The following MYRFL variants were observed in gnomAD, a reference collection of about 807,000 sequenced individuals.
The protein encoded by MYRFL is myelin regulatory factor-like protein.
In MYRFL, 88 loss-of-function variants were observed where a neutral mutation model predicts 109.4. The observed-to-expected ratio is 0.80, with a 90% CI of 0.68 to 0.96. The LOEUF (loss-of-function observed/expected upper bound fraction) is 0.96, where lower values mean the gene tolerates loss of function less well. Ranked by LOEUF, MYRFL falls within the 40% of genes least tolerant of loss-of-function variation. The pLI is 0.00. For synonymous variants in MYRFL, 324 were observed against 320.9 expected (o/e 1.01, Z -0.10); for missense variants, 957 against 954.9 (o/e 1.00, Z -0.03).
intron 6 of MYRFL, among the ~76,000 whole-genome samples, chr12:69,889,189 C>T (rs539062587): frequency 6.6e-6 from 1 of 151,802 alleles, no homozygotes. Flanking sequence ...GAGTAATGCC[C>T]TCCTCTGCTT....
intron 1 of MYRFL, among the ~76,000 whole-genome samples, chr12:69,853,868 C>T (rs1194022737): frequency 1.3e-5 from 2 of 150,976 alleles, no homozygotes; most frequent in African/African-American, 4.9e-5. Flanking sequence ...CCAGACTGGG[C>T]GGTGGGGCAG....
chr12:69,953,455 T>G (rs758508484), intron 21 of MYRFL, among the ~76,000 whole-genome samples: 1 of 152,142 alleles, frequency 6.6e-6, no homozygotes, highest in Non-Finnish European at 1.5e-5. Context: ...GAGTACAGTG[T>G]GCCAGTTGTA....
At chr12:69,832,335 C>T (rs761652549) in intron 1 of MYRFL, among the ~76,000 whole-genome samples, 1 of 152,176 alleles carries the variant, frequency 6.6e-6, no homozygotes, top group African/African-American at 2.4e-5. Flanking sequence ...GACTGTCTCT[C>T]ATGAGCCTGC....
chr12:69,954,579 T>G (rs914841229), intron 21 of MYRFL, among the ~76,000 whole-genome samples: 8 of 152,252 alleles, frequency 5.3e-5, no homozygotes, highest in Admixed American at 1.3e-4. Context: ...TCCATTTCCT[T>G]TACTTTTGCT....
chr12:69,927,739 AAAC>A lies in MYRFL; in HGVS notation c.1827_1829del (p.Asn609del), dbSNP rs1181609480. The A allele has an allele frequency of 5.9e-6, 9 of 1,533,670 alleles. No individual in the cohort carries two copies. The highest frequency in any genetic ancestry group is 2.7e-5 in the African/African-American group (2 of 72,938). ...CTCCAAGAAGGGCCGTTCATAAAAAAAACAACAAGGTAAATAGACACATTTACA... is the reference window on the plus strand; with the variant it reads ...CTCCAAGAAGGGCCGTTCATAAAAAAAACAAGGTAAATAGACACATTTACA... On this transcript the variant is annotated inframe_deletion, in exon 15 of 25. Coordinates refer to ENST00000552032, the MANE Select transcript of MYRFL (RefSeq NM_182530.3).
At chr12:69,826,818 C>G (rs1037035333) in intron 1 of MYRFL, among the ~76,000 whole-genome samples, 2 of 152,110 alleles carry the variant, frequency 1.3e-5, no homozygotes, top group African/African-American at 4.8e-5. Context: ...GAAAATCACA[C>G]AGCTAATTGT....
chr12:69,929,822 T>C (rs909318667), intron 15 of MYRFL, among the ~76,000 whole-genome samples: 4 of 152,156 alleles, frequency 2.6e-5, no homozygotes, highest in Non-Finnish European at 5.9e-5. Context: ...TTCCCTATTT[T>C]TAAAATGGGA....
At chr12:69,919,002 T>C (rs1172797794) in intron 13 of MYRFL, among the ~76,000 whole-genome samples, 1 of 152,208 alleles carries the variant, frequency 6.6e-6, no homozygotes, top group Non-Finnish European at 1.5e-5. Flanking sequence ...TTACTTGCTA[T>C]TGGTCAATCT....
intron 1 of MYRFL, among the ~76,000 whole-genome samples, chr12:69,850,886 C>A (rs1201102177): frequency 1.3e-5 from 2 of 151,960 alleles, no homozygotes; most frequent in Admixed American, 1.3e-4. Context: ...TCAAGAGGGA[C>A]TTAAAGGAGT....
intron 2 of MYRFL, among the ~76,000 whole-genome samples, chr12:69,878,470 G>C (rs940737892): frequency 6.6e-6 from 1 of 151,912 alleles, no homozygotes; most frequent in Non-Finnish European, 1.5e-5. Context: ...GGAGTATTAA[G>C]AAGTAATTAT....
intron 13 of MYRFL, 107 bp from the exon 14 acceptor site, chr12:69,926,463 TA>T: frequency 2.2e-6 from 2 of 922,024 alleles, no homozygotes; most frequent in Non-Finnish European, 2.9e-6. Flanking sequence ...TGTGTGTCTG[TA>T]ACCATTTTCA....
intron 1 of MYRFL, among the ~76,000 whole-genome samples, chr12:69,837,426 A>T (rs2136315368): frequency 6.6e-6 from 1 of 152,216 alleles, no homozygotes; most frequent in Admixed American, 6.5e-5. Context: ...ATCTGTCATG[A>T]GTTCAACAAT....
At position 69,953,243 on chromosome 12, in the gene MYRFL, G is replaced by A. The variant is rs1956022654; in HGVS notation, c.2375+357G>A. 2.0e-5 allele frequency among the ~76,000 whole-genome samples: 3 copies of A among 152,216 alleles called. No homozygotes were observed. The South Asian group carries it at 6.2e-4, about 32-fold the overall frequency. The stretch of plus-strand genomic sequence containing the variant: ...AAGACATTGTTGCTCATGGCTCCAA[G>A]TTACAAGTGAGGTGACATTTGTATA... On this transcript the variant is annotated intron_variant, in intron 21 of 24. Transcript: ENST00000552032.
chr12:69,910,730 T>G (rs10879052), intron 12 of MYRFL, 91 bp from the exon 13 acceptor site: 7 of 800,660 alleles, frequency 8.7e-6, no homozygotes, highest in Admixed American at 8.3e-5. Flanking sequence ...TTGCTGCAAA[T>G]GTATTGTAGA....
At position 69,891,119 on chromosome 12, in the gene MYRFL, G is replaced by T; in HGVS notation, c.856G>T (p.Gly286Cys). 2 of 1,532,038 alleles carry T rather than the reference G, an allele frequency of 1.3e-6. No individual in the cohort carries two copies. The highest frequency in any genetic ancestry group is 2.4e-5 in the East Asian group (1 of 40,826). 94.9% of individuals were successfully genotyped at this position (1,532,038 alleles called of 1,614,324 possible). The change falls in exon 7 of 25, where the codon GGC becomes TGC. Residue 286 changes from glycine (G) to cysteine (C), a missense_variant. Coordinates refer to ENST00000552032, the MANE Select transcript of MYRFL (RefSeq NM_182530.3). The stretch of plus-strand genomic sequence containing the variant: ...TCCAAAATTTGTTGAAACCGAGATG[G>T]GCCTAAAGCCAATAGAAATGTTTTA... ...GSPKFVETEM[G>C]LKPIEMFYLK... is the part of the protein sequence containing the mutation.
At chr12:69,905,478 T>C (rs2120369901) in intron 11 of MYRFL, among the ~76,000 whole-genome samples, 1 of 152,280 alleles carries the variant, frequency 6.6e-6, no homozygotes, top group Admixed American at 6.5e-5. Context: ...CATGATAGAA[T>C]AAAGAAAATC....
chr12:69,916,857 C>T (rs998908727), intron 13 of MYRFL, among the ~76,000 whole-genome samples: 2 of 152,156 alleles, frequency 1.3e-5, no homozygotes, highest in African/African-American at 4.8e-5. Context: ...TGGGCCCTTT[C>T]AGAATATGAT....
chr12:69,862,104 C>T (rs1383988752), intron 2 of MYRFL, among the ~76,000 whole-genome samples: 10 of 150,846 alleles, frequency 6.6e-5, no homozygotes, highest in South Asian at 2.1e-4. Flanking sequence ...TTCCATTGAT[C>T]TATATCTCTG....
At chr12:69,874,261 T>C (rs1885524731) in intron 2 of MYRFL, among the ~76,000 whole-genome samples, 2 of 152,258 alleles carry the variant, frequency 1.3e-5, no homozygotes, top group Non-Finnish European at 1.5e-5. Context: ...CACTCAAGCC[T>C]CATTCTCCTG....
Sources: allele counts gnomAD v4.1 joint callset (sites outside exome capture counted in the v4.1 genomes callset), GRCh38; gene constraint gnomAD v4.1.1; transcripts MANE v1.5; gene names NCBI Gene and HGNC (gene_info 2026-07-23, HGNC 2026-07-21).